Variants in UNC5D observed in about 807,000 individuals in gnomAD.
UNC5D encodes the protein unc-5 netrin receptor D.
In UNC5D, 39 loss-of-function variants were observed where a neutral mutation model predicts 105.4. That is an observed-to-expected ratio of 0.37 (90% CI 0.29 to 0.48). UNC5D has a LOEUF of 0.48. UNC5D is among the 20% of genes least tolerant of loss of function. The pLI is 0.98. For missense variants in UNC5D, 991 were observed against 1,202.4 expected (o/e 0.82, Z 2.60); for synonymous variants, 452 against 450.4 (o/e 1.00, Z -0.04).
At chr8:35,344,884 A>AC (rs1333968115) in intron 1 of UNC5D, among the ~76,000 whole-genome samples, 1 of 152,044 alleles carries the variant, frequency 6.6e-6, no homozygotes. Flanking sequence ...TCGTGAGATG[A>AC]CTTTCTTGTC....
intron 3 of UNC5D, among the ~76,000 whole-genome samples, chr8:35,593,285 A>T (rs1819292477): frequency 6.6e-6 from 1 of 152,180 alleles, no homozygotes; most frequent in Non-Finnish European, 1.5e-5. Flanking sequence ...TTGATCAAAG[A>T]AAGGACACAA....
rs769835743 is a variant in UNC5D, at chr8:35,549,493, C to G, written c.305C>G (p.Thr102Ser). ...CAGAACGAGCACGTCTCTGAAGAGA[C>G]TCTGGACGAGAGCTCAGGTAGGAGC... ...VHQNEHVSEETLDESSGLKVR... is the reference protein window; with the variant it reads ...VHQNEHVSEESLDESSGLKVR... Residue 102 changes from threonine to serine, a missense_variant, in exon 2 of 17, where the codon ACT becomes AGT. This residue lies in a region of UNC5D where 944 missense variants were observed against 1,131.6 expected (regional missense o/e 0.83). Transcript: ENST00000404895. 3.1e-6 allele frequency: 5 copies of G among 1,611,812 alleles called. No individual in the cohort carries two copies. The highest frequency in any genetic ancestry group is 2.2e-4 in the Middle Eastern group (1 of 4,572).
rs1321623384 is a variant in UNC5D, at chr8:35,683,458, T to C, written c.571-89T>C. 3.0e-6 allele frequency: 4 copies of C among 1,331,760 alleles called. No homozygotes were observed. The African/African-American group carries it at 4.6e-5, about 15-fold the overall frequency. The allele number at this position is 1,331,760 out of a possible 1,614,324, so 82.5% of individuals were successfully genotyped here. A position where few individuals can be genotyped will look rare whatever the true frequency, so the allele number is the denominator to read the frequency against. Reference sequence around the variant, plus strand: ...TTGCTCTATATTTTAGATACATCTCTCTCCCACACCCGAATCTGCTCACTT... The same window carrying C: ...TTGCTCTATATTTTAGATACATCTCCCTCCCACACCCGAATCTGCTCACTT... On this transcript the variant is annotated intron_variant, in intron 4 of 16. Coordinates refer to ENST00000404895, the MANE Select transcript of UNC5D (RefSeq NM_080872.4).
chr8:35,479,258 C>T (rs1057324498), intron 1 of UNC5D, among the ~76,000 whole-genome samples: 1 of 151,992 alleles, frequency 6.6e-6, no homozygotes, highest in African/African-American at 2.4e-5. Flanking sequence ...CTTATGAAGG[C>T]AATTTTCTTC....
chr8:35,237,251 C>T (rs975791827), intron 1 of UNC5D, among the ~76,000 whole-genome samples: 2 of 133,726 alleles, frequency 1.5e-5, no homozygotes, highest in South Asian at 2.5e-4. Context: ...TAAAAATGAG[C>T]GTCGGTGATT....
At chr8:35,625,195 G>A (rs966481437) in intron 4 of UNC5D, among the ~76,000 whole-genome samples, 1 of 151,992 alleles carries the variant, frequency 6.6e-6, no homozygotes, top group African/African-American at 2.4e-5. Flanking sequence ...GCAGAGGTTG[G>A]TACAGTATTA....
At chr8:35,559,420 G>C (rs1816795818) in intron 2 of UNC5D, among the ~76,000 whole-genome samples, 1 of 152,170 alleles carries the variant, frequency 6.6e-6, no homozygotes, top group Non-Finnish European at 1.5e-5. Flanking sequence ...AGGCTGAGTG[G>C]AGAGGCAAGC....
intron 1 of UNC5D, among the ~76,000 whole-genome samples, chr8:35,505,325 T>G (rs1399657721): frequency 6.6e-6 from 1 of 152,254 alleles, no homozygotes; most frequent in Non-Finnish European, 1.5e-5. Flanking sequence ...ATGGGATTAC[T>G]TTGGAGATAC....
intron 1 of UNC5D, among the ~76,000 whole-genome samples, chr8:35,246,131 T>C (rs959111141): frequency 6.6e-6 from 1 of 152,212 alleles, no homozygotes; most frequent in Non-Finnish European, 1.5e-5. Context: ...TAGTTCTTTT[T>C]ATTTGTAGGA....
chr8:35,434,742 A>G (rs1806891286), intron 1 of UNC5D, among the ~76,000 whole-genome samples: 2 of 152,146 alleles, frequency 1.3e-5, no homozygotes, highest in Admixed American at 1.3e-4. Flanking sequence ...AAAATTTAAA[A>G]GCAAGTTAGG....
intron 1 of UNC5D, among the ~76,000 whole-genome samples, chr8:35,512,792 T>G (rs1347134371): frequency 6.6e-6 from 1 of 151,316 alleles, no homozygotes; most frequent in African/African-American, 2.4e-5. Flanking sequence ...ATTAAGGAGG[T>G]TTTGTTATAA....
intron 1 of UNC5D, among the ~76,000 whole-genome samples, chr8:35,373,846 T>A (rs1422007733): frequency 6.6e-6 from 1 of 152,200 alleles, no homozygotes; most frequent in Admixed American, 6.5e-5. Context: ...GATAGACACT[T>A]CACCACTGAC....
chr8:35,389,307 T>A (rs1314265373), intron 1 of UNC5D, among the ~76,000 whole-genome samples: 1 of 152,200 alleles, frequency 6.6e-6, no homozygotes, highest in Non-Finnish European at 1.5e-5. Context: ...ACTAGGTCAT[T>A]GCACTCATAT....
chr8:35,696,282 A>ATTTTTTTTTTTTTTTTTTTTTTTTT (rs755876112), intron 7 of UNC5D, among the ~76,000 whole-genome samples: 1 of 113,224 alleles, frequency 8.8e-6, no homozygotes, highest in African/African-American at 3.4e-5. Flanking sequence ...TCAATATTTA[A>ATTTTTTTTTTTTTTTTTTTTTTTTT]TTTTTTTTTT....
intron 4 of UNC5D, among the ~76,000 whole-genome samples, chr8:35,619,552 A>G (rs930465945): frequency 6.6e-6 from 1 of 152,130 alleles, no homozygotes; most frequent in African/African-American, 2.4e-5. Context: ...TTGCTTCTCA[A>G]GCTTTATGTG....
At chr8:35,678,752 T>C (rs1825449685) in intron 4 of UNC5D, among the ~76,000 whole-genome samples, 1 of 152,216 alleles carries the variant, frequency 6.6e-6, no homozygotes, top group Non-Finnish European at 1.5e-5. Flanking sequence ...TTATTTGTCA[T>C]GTAGCTTTGG....
intron 1 of UNC5D, among the ~76,000 whole-genome samples, chr8:35,504,325 A>T (rs1176159133): frequency 6.6e-6 from 1 of 152,186 alleles, no homozygotes; most frequent in Non-Finnish European, 1.5e-5. Flanking sequence ...TAGCTATGTG[A>T]GGCTAATTAA....
intron 1 of UNC5D, among the ~76,000 whole-genome samples, chr8:35,325,541 T>C (rs1257402339): frequency 6.6e-6 from 1 of 152,158 alleles, no homozygotes; most frequent in African/African-American, 2.4e-5. Flanking sequence ...AGAGGGGAAC[T>C]TGGAGTGCAT....
intron 1 of UNC5D, among the ~76,000 whole-genome samples, chr8:35,471,640 G>A (rs1809732877): frequency 6.6e-6 from 1 of 152,094 alleles, no homozygotes; most frequent in Admixed American, 6.6e-5. Context: ...GCTTTTCCTT[G>A]TGTTTTTTCT....
Sources: allele counts gnomAD v4.1 joint callset (sites outside exome capture counted in the v4.1 genomes callset), GRCh38; gene constraint gnomAD v4.1.1; regional missense constraint gnomAD v4.1.1; transcripts MANE v1.5; gene names NCBI Gene and HGNC (gene_info 2026-07-23, HGNC 2026-07-21).